The following UBR1 variants were observed in gnomAD, a reference collection of about 807,000 sequenced individuals.
The protein encoded by UBR1 is E3 ubiquitin-protein ligase UBR1.
UBR1 carries 102 observed loss-of-function variants against 242.1 expected under a neutral mutation model. The ratio of observed to expected loss-of-function variants is 0.42; its 90% CI spans 0.36 to 0.50. The LOEUF is 0.50. Among genes scored for constraint, UBR1 ranks in the 20% least tolerant of loss-of-function variants. The pLI is 0.01. For synonymous variants in UBR1, 675 were observed against 684.8 expected (o/e 0.99, Z 0.22); for missense variants, 1,772 against 2,101.8 (o/e 0.84, Z 3.07).
At chr15:42,987,328 G>T (rs777866790) in intron 35 of UBR1, among the ~76,000 whole-genome samples, 1 of 152,210 alleles carries the variant, frequency 6.6e-6, no homozygotes, top group Non-Finnish European at 1.5e-5. Context: ...GCAGGTGCCC[G>T]TGGCCTGGAA....
chr15:43,075,632 T>G (rs930352024), intron 3 of UBR1, among the ~76,000 whole-genome samples: 6 of 151,688 alleles, frequency 4.0e-5, no homozygotes, highest in Non-Finnish European at 7.4e-5. Context: ...TTTTTTTTTT[T>G]GAGATGGAGT....
At chr15:42,997,337 A>AAT (rs2032655702) in intron 33 of UBR1, among the ~76,000 whole-genome samples, 1 of 152,250 alleles carries the variant, frequency 6.6e-6, no homozygotes, top group South Asian at 2.1e-4. Flanking sequence ...ATGGTGAGTT[A>AAT]TATAATTATT....
chr15:43,028,749 A>C (rs2033211059), intron 21 of UBR1, among the ~76,000 whole-genome samples: 2 of 150,104 alleles, frequency 1.3e-5, no homozygotes, highest in African/African-American at 4.9e-5. Context: ...CATCAAACAA[A>C]AAAAAAAAAA....
At chr15:42,980,457 C>A (rs1181569195) in intron 37 of UBR1, among the ~76,000 whole-genome samples, 1 of 152,124 alleles carries the variant, frequency 6.6e-6, no homozygotes, top group African/African-American at 2.4e-5. Context: ...ATGCAACTTC[C>A]CTGTGCCTCA....
At chr15:43,054,470 C>T (rs945534344) in intron 12 of UBR1, among the ~76,000 whole-genome samples, 2 of 152,170 alleles carry the variant, frequency 1.3e-5, no homozygotes, top group Non-Finnish European at 2.9e-5. Flanking sequence ...ATGGTAATTA[C>T]AATGGCAATG....
At chr15:42,959,173 G>A (rs1407394170) in intron 43 of UBR1, among the ~76,000 whole-genome samples, 1 of 152,076 alleles carries the variant, frequency 6.6e-6, no homozygotes, top group Non-Finnish European at 1.5e-5. Flanking sequence ...CTTCAATTCA[G>A]TTGTCTATAT....
intron 29 of UBR1, 93 bp from the exon 30 acceptor site, chr15:43,007,377 T>A: frequency 9.6e-7 from 1 of 1,037,810 alleles, no homozygotes; most frequent in Non-Finnish European, 1.5e-6. Flanking sequence ...GCAAGAAATA[T>A]AAGAAAGATA....
At chr15:43,039,615 C>A (rs1336280256) in intron 15 of UBR1, among the ~76,000 whole-genome samples, 1 of 152,176 alleles carries the variant, frequency 6.6e-6, no homozygotes, top group African/African-American at 2.4e-5. Flanking sequence ...ACAATCATGT[C>A]ATCTGCAAAC....
intron 36 of UBR1, among the ~76,000 whole-genome samples, chr15:42,984,275 T>G (rs913398974): frequency 6.6e-6 from 1 of 152,240 alleles, no homozygotes; most frequent in Non-Finnish European, 1.5e-5. Flanking sequence ...CTGAGCACAC[T>G]GTGTACCACA....
chr15:43,047,405 G>T, intron 13 of UBR1, 116 bp from the exon 14 acceptor site: 1 of 1,478,686 alleles, frequency 6.8e-7, no homozygotes. Context: ...GTTACACTGG[G>T]TCAGAATGCA....
chr15:42,951,502 C>A (rs1006076676), intron 45 of UBR1, among the ~76,000 whole-genome samples: 1 of 152,110 alleles, frequency 6.6e-6, no homozygotes, highest in Non-Finnish European at 1.5e-5. Context: ...GGATTAAAGG[C>A]GAGAGCCACC....
At chr15:43,055,112 A>G (rs1339900893) in intron 11 of UBR1, among the ~76,000 whole-genome samples, 11 of 152,216 alleles carry the variant, frequency 7.2e-5, no homozygotes, top group Non-Finnish European at 1.5e-4. Context: ...GACAACACCT[A>G]TCTGGATACT....
chr15:43,008,281 GC>G (rs1567123599), intron 29 of UBR1, among the ~76,000 whole-genome samples: 2 of 152,256 alleles, frequency 1.3e-5, no homozygotes, highest in African/African-American at 4.8e-5. Context: ...AGCTGCAACT[GC>G]CCAGCTCAGA....
At position 42,998,267 on chromosome 15, in the gene UBR1, T is replaced by C; in HGVS notation, c.3660-2A>G. The stretch of plus-strand genomic sequence containing the variant: ...TGAGCAAGAGCATCTGCATTCTCAC[T>C]GAAAAATGATATTTAAAAATTATTA... On this transcript the variant is annotated splice_acceptor_variant, in intron 32 of 46. Transcript: ENST00000290650. LOFTEE classifies it high-confidence loss of function. The C allele has an allele frequency of 1.2e-6, 2 of 1,612,488 alleles. No homozygotes were observed. The highest frequency in any genetic ancestry group is 1.7e-6 in the Non-Finnish European group (2 of 1,178,676).
intron 6 of UBR1, among the ~76,000 whole-genome samples, chr15:43,066,562 G>A (rs368784812): frequency 6.6e-5 from 10 of 152,096 alleles, no homozygotes; most frequent in African/African-American, 1.7e-4. Context: ...CAGTATGGTC[G>A]TTTTTACAAT....
chr15:42,983,942 A>G lies in UBR1; in HGVS notation c.4105T>C (p.Cys1369Arg), dbSNP rs763804672. 3 of 1,613,304 alleles carry G rather than the reference A, an allele frequency of 1.9e-6. No homozygotes were observed. Among genetic ancestry groups the G allele is most frequent in the Non-Finnish European group, 2.5e-6 (3 of 1,179,600 alleles). Reference sequence around the variant, plus strand: ...TGTTTCTGTATCAGGACCTGAGGACAGGTAATCCTCTGTGCAACTGCAAAC... The same window carrying G: ...TGTTTCTGTATCAGGACCTGAGGACGGGTAATCCTCTGTGCAACTGCAAAC... ...MQFAVAQRIT[C>R]PQVLIQKHLV... Residue 1369 changes from cysteine (C) to arginine (R), a missense_variant, in exon 37 of 47, where the codon TGT (cysteine) becomes CGT (arginine). This residue lies in a region of UBR1 where 965 missense variants were observed against 1,079.7 expected (regional missense o/e 0.89). Transcript: ENST00000290650.
intron 1 of UBR1, among the ~76,000 whole-genome samples, chr15:43,100,873 T>C (rs981626923): frequency 3.5e-4 from 54 of 152,220 alleles, no homozygotes; most frequent in African/African-American, 1.3e-3. Context: ...CACATGATCC[T>C]TCCCTTCATG....
intron 1 of UBR1, among the ~76,000 whole-genome samples, chr15:43,102,357 C>T (rs1463492241): frequency 6.6e-6 from 1 of 152,160 alleles, no homozygotes; most frequent in African/African-American, 2.4e-5. Context: ...AAACACCAGA[C>T]ATCCAAGTGA....
intron 6 of UBR1, among the ~76,000 whole-genome samples, chr15:43,061,575 A>G (rs1310417388): frequency 6.6e-6 from 1 of 152,010 alleles, no homozygotes; most frequent in Non-Finnish European, 1.5e-5. Context: ...GTATATATAC[A>G]CACACACATA....
Sources: allele counts gnomAD v4.1 joint callset (sites outside exome capture counted in the v4.1 genomes callset), GRCh38; gene constraint gnomAD v4.1.1; regional missense constraint gnomAD v4.1.1; transcripts MANE v1.5; gene names NCBI Gene and HGNC (gene_info 2026-07-23, HGNC 2026-07-21).